PDE4D: variants seen among roughly 807,000 people sequenced by gnomAD.
PDE4D encodes the protein 3',5'-cyclic-AMP phosphodiesterase 4D.
In PDE4D, 24 loss-of-function variants were observed where a neutral mutation model predicts 87.4. The observed-to-expected ratio is 0.27, with a 90% CI of 0.20 to 0.39. PDE4D has a LOEUF of 0.39. Ranked by LOEUF, PDE4D falls within the 10% of genes least tolerant of loss-of-function variation. The pLI, the probability that PDE4D is intolerant of heterozygous loss-of-function variation, is 1.00. For synonymous variants in PDE4D, 384 were observed against 383.2 expected (o/e 1.00, Z -0.02); for missense variants, 714 against 1,041.0 (o/e 0.69, Z 4.32).
chr5:60,028,390 T>A (rs1303232551), intron 2 of PDE4D, among the ~76,000 whole-genome samples: 1 of 152,162 alleles, frequency 6.6e-6, no homozygotes, highest in Non-Finnish European at 1.5e-5. Context: ...ATAAAATTCT[T>A]CACATCTGTT....
chr5:59,250,679 CTT>C lies in PDE4D; in HGVS notation c.456-34713_456-34712del, dbSNP rs369196747. ...CTGTGAAATACAGAACTAGAAAAAA[CTT>C]TTTAAAATTCATATGGAACCAAAAA... On this transcript the variant is annotated intron_variant, in intron 1 of 14. Coordinates refer to ENST00000340635, the MANE Select transcript of PDE4D (RefSeq NM_001104631.2). 5.0e-3 allele frequency among the ~76,000 whole-genome samples: 754 copies of C among 152,108 alleles called. 3 individuals are homozygous for C. The highest frequency in any genetic ancestry group is 0.016 in the African/African-American group (649 of 41,512).
At chr5:59,821,237 G>GCAA (rs71606606) in intron 1 of PDE4D, among the ~76,000 whole-genome samples, 18,413 of 148,932 alleles carry the variant, frequency 0.12, 1,232 homozygotes, top group African/African-American at 0.18. Context: ...TGTCTCAACA[G>GCAA]CAACAACAAC....
chr5:59,108,955 A>ATGTGTGTGTG lies in PDE4D; in HGVS notation c.809-69994_809-69985dup, dbSNP rs57004711. 2.3e-3 allele frequency among the ~76,000 whole-genome samples: 281 copies of ATGTGTGTGTG among 121,876 alleles called. 1 individual carries two copies. The highest frequency in any genetic ancestry group is 6.2e-3 in the African/African-American group (197 of 31,840). 80.0% of individuals were successfully genotyped at this position (121,876 alleles called of 152,430 possible). ...AAAAAAACAAATTCATAGGAACTCA[A>ATGTGTGTGTG]TGTGTGTGTGTGTGTGTGTGTGTGT... On this transcript the variant is annotated intron_variant, in intron 5 of 14. Transcript: ENST00000340635.
chr5:60,208,583 GCTCC>G (rs1180387560), intron 1 of PDE4D, among the ~76,000 whole-genome samples: 4 of 152,144 alleles, frequency 2.6e-5, no homozygotes, highest in Non-Finnish European at 4.4e-5. Context: ...AGGGCACCAA[GCTCC>G]AACCTGGCAG....
intron 1 of PDE4D, among the ~76,000 whole-genome samples, chr5:59,470,930 A>G (rs1473476524): frequency 6.6e-6 from 1 of 152,184 alleles, no homozygotes; most frequent in Non-Finnish European, 1.5e-5. Context: ...GTTAATATTT[A>G]CACTCATCAG....
intron 1 of PDE4D, among the ~76,000 whole-genome samples, chr5:60,293,121 C>T (rs1753050530): frequency 6.6e-6 from 1 of 151,824 alleles, no homozygotes; most frequent in East Asian, 1.9e-4. Context: ...ATCCTCCTGC[C>T]TCAACCTCCC....
intron 1 of PDE4D, among the ~76,000 whole-genome samples, chr5:59,514,109 T>G (rs1230092272): frequency 7.9e-6 from 1 of 126,348 alleles, no homozygotes; most frequent in East Asian, 2.7e-4. Flanking sequence ...TACATTTTTC[T>G]TTTTTTTTTT....
chr5:59,029,444 A>C lies in PDE4D; in HGVS notation c.921+9415T>G, dbSNP rs936258421. 2.0e-5 allele frequency among the ~76,000 whole-genome samples: 3 copies of C among 147,002 alleles called. No homozygotes were observed. In the Admixed American group the frequency reaches 2.1e-4, roughly 10 times the overall value. On this transcript the variant is annotated intron_variant, in intron 6 of 14. Transcript: ENST00000340635. The stretch of plus-strand genomic sequence containing the variant: ...AAAAAAAAAAAAAAAAAAACTTAGG[A>C]GCAAATCTAACCAACAAGGTGAAAG...
chr5:60,282,543 A>C (rs1219552420), intron 1 of PDE4D, among the ~76,000 whole-genome samples: 1 of 149,992 alleles, frequency 6.7e-6, no homozygotes, highest in Non-Finnish European at 1.5e-5. Flanking sequence ...AAATGAAACA[A>C]ATAAAATTTG....
chr5:60,220,225 A>G (rs971576621), intron 1 of PDE4D, among the ~76,000 whole-genome samples: 5 of 152,162 alleles, frequency 3.3e-5, no homozygotes, highest in African/African-American at 1.2e-4. Flanking sequence ...TGCACACTGC[A>G]TGAGTGCATG....
chr5:59,649,259 CT>C (rs1296947667), intron 1 of PDE4D, among the ~76,000 whole-genome samples: 1 of 152,138 alleles, frequency 6.6e-6, no homozygotes, highest in East Asian at 1.9e-4. Flanking sequence ...AAATTACTTT[CT>C]TCTCTGAGAA....
intron 5 of PDE4D, among the ~76,000 whole-genome samples, chr5:59,085,360 TAC>T (rs1216253866): frequency 2.0e-5 from 3 of 152,260 alleles, no homozygotes; most frequent in Admixed American, 6.5e-5. Context: ...TCTCTCTACA[TAC>T]ACACTCTCAC....
rs578169607 is a variant in PDE4D, at chr5:59,503,306, A to T, written c.456-287338T>A. Among the ~76,000 whole-genome samples the T allele has an allele frequency of 2.0e-5, 3 of 152,288 alleles. No homozygotes were observed. The South Asian group carries it at 6.2e-4, about 32-fold the overall frequency. On this transcript the variant is annotated intron_variant, in intron 1 of 14. Coordinates refer to ENST00000340635, the MANE Select transcript of PDE4D (RefSeq NM_001104631.2). ...TCAGAAACTTATGCTTTCAAGTAAAAGGCAAATAAAATTAGTAAAATAACT... is the reference window on the plus strand; with the variant it reads ...TCAGAAACTTATGCTTTCAAGTAAATGGCAAATAAAATTAGTAAAATAACT...
chr5:59,950,338 T>G lies in PDE4D; in HGVS notation c.272+38150A>C, dbSNP rs949152931. Among the ~76,000 whole-genome samples the G allele has an allele frequency of 6.6e-5, 10 of 152,274 alleles. No individual in the cohort carries two copies. In the East Asian group the frequency reaches 1.4e-3, roughly 21 times the overall value. On this transcript the variant is annotated intron_variant, in intron 3 of 16. Transcript: ENST00000502484. ...AGATAAAAGTAAAAGAGGGAACTCA[T>G]ACTTGTTATCATTATAGGTGGTCAT...
intron 1 of PDE4D, among the ~76,000 whole-genome samples, chr5:59,256,272 A>G (rs992044457): frequency 1.3e-5 from 2 of 152,082 alleles, no homozygotes; most frequent in Non-Finnish European, 2.9e-5. Flanking sequence ...AAAAGGAAGC[A>G]CAATAACTTC....
At chr5:59,053,655 G>GTTTTTT (rs1367942598) in intron 5 of PDE4D, among the ~76,000 whole-genome samples, 59 of 74,874 alleles carry the variant, frequency 7.9e-4, no homozygotes, top group African/African-American at 3.0e-3. Flanking sequence ...GTTTTTTTTT[G>GTTTTTT]TTGTTGTTTT....
In PDE4D at chr5:59,240,779, AAC is replaced by A. The variant is rs747637745; in HGVS notation, c.456-24813_456-24812del. ...ATGTGAGTCTTCGGAAAAATTCACA[AAC>A]ACACACACACACACACACACACACA... is the stretch of plus-strand genomic sequence containing the variant. On this transcript the variant is annotated intron_variant, in intron 1 of 14. Transcript: ENST00000340635. 1.8e-3 allele frequency among the ~76,000 whole-genome samples: 140 copies of A among 77,954 alleles called. 1 individual carries two copies. Among genetic ancestry groups the A allele is most frequent in the East Asian group, 3.1e-3 (9 of 2,858 alleles). 51.1% of individuals were successfully genotyped at this position (77,954 alleles called of 152,430 possible). A position where few individuals can be genotyped will look rare whatever the true frequency, so the allele number is the denominator to read the frequency against.
chr5:59,514,615 A>G (rs1373673111), intron 1 of PDE4D, among the ~76,000 whole-genome samples: 1 of 152,192 alleles, frequency 6.6e-6, no homozygotes, highest in Non-Finnish European at 1.5e-5. Flanking sequence ...TTAAGATTGA[A>G]CTAGTGAATC....
chr5:59,354,173 T>C (rs751923893), intron 1 of PDE4D, among the ~76,000 whole-genome samples: 2 of 152,050 alleles, frequency 1.3e-5, no homozygotes, highest in Non-Finnish European at 2.9e-5. Flanking sequence ...AGATAAAAAA[T>C]ATTGCTCATA....
Sources: gnomAD v4.1 joint callset for allele counts (sites outside exome capture counted in the v4.1 genomes callset) on GRCh38, gnomAD v4.1.1 for gene constraint, MANE v1.5 for transcripts, NCBI Gene and HGNC (gene_info 2026-07-23, HGNC 2026-07-21) for gene names.